ZNF268: variants seen among roughly 807,000 people sequenced by gnomAD.
ZNF268 encodes the protein zinc finger protein 3.
Under a neutral mutation model 29.3 loss-of-function variants are expected in ZNF268, and 20 were observed. The observed-to-expected ratio is 0.68, with a 90% CI of 0.48 to 0.99. The LOEUF (loss-of-function observed/expected upper bound fraction) is 0.99, where lower values mean the gene tolerates loss of function less well. Among genes scored for constraint, ZNF268 ranks in the 50% least tolerant of loss-of-function variants. The pLI is 0.00. For synonymous variants in ZNF268, 429 were observed against 376.9 expected, an observed-to-expected ratio of 1.14 and a Z score of -1.60; for missense variants, 1,240 against 1,121.6, an observed-to-expected ratio of 1.11 and a Z score of -1.51.
Position 133,203,386 on chromosome 12 carries a change from G to A in ZNF268, c.1700G>A (p.Arg567Gln), listed in dbSNP as rs377003792. The A allele has an allele frequency of 3.9e-5, 60 of 1,547,278 alleles. No individual in the cohort carries two copies. Among genetic ancestry groups the A allele is most frequent in the African/African-American group, 8.2e-5 (6 of 73,060 alleles). ...CATGAATGTGGGAAAGCCTTCAGTC[G>A]GAAATACCAGCTTATTTCACACCAG... ...ECHECGKAFSRKYQLISHQRT... is the reference protein window; with the variant it reads ...ECHECGKAFSQKYQLISHQRT... Residue 567 changes from arginine (R) to glutamine (Q), a missense_variant, in exon 6 of 6, where the codon CGG becomes CAG. Around this residue, in one of 3 missense-constraint regions of ZNF268, gnomAD observed 1,177 missense variants for 1,039.6 expected, o/e 1.13. Transcript: ENST00000536435.
chr12:133,186,711 A>G (rs1956326130), intron 2 of ZNF268, among the ~76,000 whole-genome samples: 3 of 152,166 alleles, frequency 2.0e-5, no homozygotes, highest in Non-Finnish European at 2.9e-5. Flanking sequence ...ATTAATGGTG[A>G]ATGATGAAAC....
rs79134689 is a variant in ZNF268 at position 133,196,521 on chromosome 12, A to G, written c.457+4518A>G. ...ATACAGGAACCGAGCAAAGATAAGG[A>G]TGGGTGTGTTACCAGCACCAGAAGG... On this transcript the variant is annotated intron_variant, in intron 5 of 5. Coordinates refer to ENST00000536435, the MANE Select transcript of ZNF268 (RefSeq NM_003415.3). 5.3e-3 allele frequency among the ~76,000 whole-genome samples: 814 copies of G among 152,272 alleles called. 2 individuals are homozygous for G. Among genetic ancestry groups the G allele is most frequent in the Admixed American group, 0.013 (198 of 15,294 alleles).
Position 133,202,228 on chromosome 12 carries a change from G to A in ZNF268, c.542G>A (p.Cys181Tyr), listed in dbSNP as rs1956769421. ...KLGSTAKSFE[C>Y]TTFGKLCLLS... ...GGAAGTACGGCAAAAAGCTTTGAATGCACTACATTTGGAAAACTATGTCTT... is the reference window on the plus strand; with the variant it reads ...GGAAGTACGGCAAAAAGCTTTGAATACACTACATTTGGAAAACTATGTCTT... The change falls in exon 6 of 6, where the codon TGC becomes TAC. Residue 181 changes from cysteine (C) to tyrosine (Y), a missense_variant. This residue lies in a region of ZNF268 where 1,177 missense variants were observed against 1,039.6 expected (regional missense o/e 1.13). Coordinates refer to ENST00000536435, the MANE Select transcript of ZNF268 (RefSeq NM_003415.3). 1 of 1,611,468 alleles carries A rather than the reference G, an allele frequency of 6.2e-7. No homozygotes were observed. The highest frequency in any genetic ancestry group is 8.5e-7 in the Non-Finnish European group (1 of 1,178,802).
chr12:133,204,107 A>G lies in ZNF268; in HGVS notation c.2421A>G (p.Pro807=), dbSNP rs906609285. 7.1e-6 allele frequency: 11 copies of G among 1,546,056 alleles called. No homozygotes were observed. Among genetic ancestry groups the G allele is most frequent in the Admixed American group, 2.0e-5 (1 of 51,040 alleles). The part of the protein sequence containing the change: ...IHMRTHSGEK[P]YECNECGKAF... ...TGAGAACTCATTCAGGTGAAAAACC[A>G]TATGAATGTAATGAATGTGGGAAAG... The change falls in exon 6 of 6, where the codon CCA becomes CCG. Residue 807 remains proline, a synonymous_variant. Transcript: ENST00000536435.
chr12:133,188,193 A>G (rs1390327589), intron 3 of ZNF268, 121 bp downstream of exon 3: 5 of 921,840 alleles, frequency 5.4e-6, no homozygotes, highest in African/African-American at 3.4e-5. Context: ...GTTCAGTTCA[A>G]AACCCCCCCA....
In ZNF268 at chr12:133,202,402, A is replaced by G. The variant is rs759588007; in HGVS notation, c.716A>G (p.His239Arg). 2 of 1,611,326 alleles carry G rather than the reference A, an allele frequency of 1.2e-6. No individual in the cohort carries two copies. The highest frequency in any genetic ancestry group is 1.7e-6 in the Non-Finnish European group (2 of 1,178,506). The change falls in exon 6 of 6, where the codon CAT becomes CGT. Residue 239 changes from histidine (H) to arginine (R), a missense_variant. Physicochemically the swap from His to Arg is conservative, Grantham distance 29. Around this residue, in one of 3 missense-constraint regions of ZNF268, gnomAD observed 1,177 missense variants for 1,039.6 expected, o/e 1.13. Transcript: ENST00000536435. ...VHGKSFFHSK[H>R]EQTVIGIKYC... The stretch of plus-strand genomic sequence containing the variant: ...GGAAAATCATTCTTCCATTCTAAAC[A>G]TGAGCAAACTGTTATTGGAATAAAA...
rs1430212081 is a variant in ZNF268 at position 133,202,986 on chromosome 12, C to T, written c.1300C>T (p.His434Tyr). 2.6e-6 allele frequency: 4 copies of T among 1,548,788 alleles called. No homozygotes were observed. Among genetic ancestry groups the T allele is most frequent in the Non-Finnish European group, 2.6e-6 (3 of 1,152,550 alleles). The change falls in exon 6 of 6, where the codon CAT becomes TAT. Residue 434 changes from histidine (H) to tyrosine (Y), a missense_variant. By Grantham distance (83) the His-to-Tyr change is moderately conservative. Around this residue, in one of 3 missense-constraint regions of ZNF268, gnomAD observed 1,177 missense variants for 1,039.6 expected, o/e 1.13. Transcript: ENST00000536435. ...TAATACAAAGTCAAACCTTATGGTA[C>T]ATCAGAGAACCCATACAGGGGAGAA... ...AFNTKSNLMV[H>Y]QRTHTGEKPY...
At chr12:133,181,822 G>C in intron 1 of ZNF268, 124 bp from the exon 2 acceptor site, 1 of 659,674 alleles carries the variant, frequency 1.5e-6, no homozygotes, top group South Asian at 1.8e-5. Context: ...GGTGAATCCC[G>C]TGCTGTGGGA....
rs1033873394 is a variant in ZNF268 at position 133,181,635 on chromosome 12, C to A, written c.-104C>A. 1.8e-4 allele frequency: 42 copies of A among 227,228 alleles called. No individual in the cohort carries two copies. Among genetic ancestry groups the A allele is most frequent in the African/African-American group, 9.0e-4 (40 of 44,516 alleles). 14.1% of individuals were successfully genotyped at this position (227,228 alleles called of 1,614,324 possible). A position where few individuals can be genotyped will look rare whatever the true frequency, so the allele number is the denominator to read the frequency against. ...CTGGCTGCAGATCTGGAGGTGGAGG[C>A]AGTACCCTGGACTCTATTCTGCTGC... On this transcript the variant is annotated 5_prime_UTR_variant, in exon 1 of 6. Coordinates refer to ENST00000536435, the MANE Select transcript of ZNF268 (RefSeq NM_003415.3).
At chr12:133,197,258 A>C (rs1256147791) in intron 5 of ZNF268, among the ~76,000 whole-genome samples, 10 of 140,064 alleles carry the variant, frequency 7.1e-5, no homozygotes, top group Non-Finnish European at 1.2e-4. Context: ...TCATTGTTCA[A>C]TTCCCACCTA....
rs994484579 is a variant in ZNF268, at chr12:133,209,705, A to C, written c.*5175A>C. 1 of 152,164 alleles carries C rather than the reference A, an allele frequency of 6.6e-6. No homozygotes were observed. Among genetic ancestry groups the C allele is most frequent in the Non-Finnish European group, 1.5e-5 (1 of 68,038 alleles). The allele number at this position is 152,164 out of a possible 1,614,324, so 9.4% of individuals were successfully genotyped here. A position where few individuals can be genotyped will look rare whatever the true frequency, so the allele number is the denominator to read the frequency against. On this transcript the variant is annotated 3_prime_UTR_variant, in exon 6 of 6. Coordinates refer to ENST00000536435, the MANE Select transcript of ZNF268 (RefSeq NM_003415.3). ...GCCAGCTGTGGTGGCATGCATCTAT[A>C]ATCCAAGCTACTCAGGAGAATTGCT...
Position 133,181,647 on chromosome 12 carries a change from C to T in ZNF268, c.-92C>T. The T allele has an allele frequency of 3.5e-6, 1 of 282,546 alleles. No homozygotes were observed. Among genetic ancestry groups the T allele is most frequent in the East Asian group, 6.7e-5 (1 of 14,840 alleles). The allele number at this position is 282,546 out of a possible 1,614,324, so 17.5% of individuals were successfully genotyped here. A position where few individuals can be genotyped will look rare whatever the true frequency, so the allele number is the denominator to read the frequency against. On this transcript the variant is annotated 5_prime_UTR_variant, in exon 1 of 6. Coordinates refer to ENST00000536435, the MANE Select transcript of ZNF268 (RefSeq NM_003415.3). ...CTGGAGGTGGAGGCAGTACCCTGGACTCTATTCTGCTGCCCCTTCAGGGTT... is the reference window on the plus strand; with the variant it reads ...CTGGAGGTGGAGGCAGTACCCTGGATTCTATTCTGCTGCCCCTTCAGGGTT...
rs747885308 is a variant in ZNF268 at position 133,182,016 on chromosome 12, A to G, written c.19A>G (p.Thr7Ala). 1.9e-6 allele frequency: 3 copies of G among 1,565,676 alleles called. No individual in the cohort carries two copies. Among genetic ancestry groups the G allele is most frequent in the Non-Finnish European group, 2.6e-6 (3 of 1,154,914 alleles). Residue 7 changes from threonine to alanine, a missense_variant, in exon 2 of 6, where the codon ACA (threonine) becomes GCA (alanine). By Grantham distance (58) the Thr-to-Ala change is moderately conservative. Coordinates refer to ENST00000536435, the MANE Select transcript of ZNF268 (RefSeq NM_003415.3). MATRVR[T>A]ASIWVPPLQE... ...CGTAGGGATGGCCACCAGGGTCCGG[A>G]CAGCTTCTATTTGGGTGAGTAGGGG...
Position 133,202,714 on chromosome 12 carries a change from T to A in ZNF268, c.1028T>A (p.Phe343Tyr), listed in dbSNP as rs1442895354. 2 of 1,611,672 alleles carry A rather than the reference T, an allele frequency of 1.2e-6. No individual in the cohort carries two copies. Among genetic ancestry groups the A allele is most frequent in the South Asian group, 1.1e-5 (1 of 90,838 alleles). The change falls in exon 6 of 6, where the codon TTC (phenylalanine) becomes TAC (tyrosine). Residue 343 changes from phenylalanine to tyrosine, a missense_variant. Phe to Tyr is a conservative substitution (Grantham distance 22). Coordinates refer to ENST00000536435, the MANE Select transcript of ZNF268 (RefSeq NM_003415.3). Reference sequence around the variant, plus strand: ...AGTGAATGCAGGAAAACATTCAGTTTCCATTCACAGCTTGTTATACATCAG... The same window carrying A: ...AGTGAATGCAGGAAAACATTCAGTTACCATTCACAGCTTGTTATACATCAG... ...ECSECRKTFS[F>Y]HSQLVIHQRI...
rs1300673094 is a variant in ZNF268 at position 133,210,692 on chromosome 12, G to C, written c.*6162G>C. On this transcript the variant is annotated 3_prime_UTR_variant, in exon 6 of 6. Transcript: ENST00000536435. Reference sequence around the variant, plus strand: ...GAAGCAAGGTCTGTTTGTCACTGTGGATTCCCCCCTGCCAAGGGTCCCCAG... The same window carrying C: ...GAAGCAAGGTCTGTTTGTCACTGTGCATTCCCCCCTGCCAAGGGTCCCCAG... 1 of 379,478 alleles carries C rather than the reference G, an allele frequency of 2.6e-6. No individual in the cohort carries two copies. The highest frequency in any genetic ancestry group is 2.1e-5 in the African/African-American group (1 of 47,482). The allele number at this position is 379,478 out of a possible 1,614,324, so 23.5% of individuals were successfully genotyped here. A position where few individuals can be genotyped will look rare whatever the true frequency, so the allele number is the denominator to read the frequency against.
chr12:133,193,984 T>G (rs1956538108), intron 5 of ZNF268, among the ~76,000 whole-genome samples: 1 of 152,192 alleles, frequency 6.6e-6, no homozygotes, highest in Non-Finnish European at 1.5e-5. Flanking sequence ...TTCCTTTCTG[T>G]GCAGGGCTCC....
chr12:133,191,641 G>T, intron 4 of ZNF268, 26 bp downstream of exon 4: 2 of 1,611,208 alleles, frequency 1.2e-6, no homozygotes, highest in African/African-American at 1.3e-5. Flanking sequence ...CTGAGGAGGA[G>T]TGTGCTCGAT....
chr12:133,192,028 C>G (rs752151513), intron 5 of ZNF268, 25 bp downstream of exon 5: 3 of 1,570,892 alleles, frequency 1.9e-6, no homozygotes, highest in South Asian at 1.1e-5. Flanking sequence ...CAAATCTTTT[C>G]TTCTTTATTT....
rs1957024061 is a variant in ZNF268, at chr12:133,214,142, T to C, written c.*9612T>C. 1 of 152,134 alleles carries C rather than the reference T, an allele frequency of 6.6e-6. No individual in the cohort carries two copies. The highest frequency in any genetic ancestry group is 1.5e-5 in the Non-Finnish European group (1 of 68,040). 9.4% of individuals were successfully genotyped at this position (152,134 alleles called of 1,614,324 possible). On this transcript the variant is annotated 3_prime_UTR_variant, in exon 6 of 6. Transcript: ENST00000536435. ...GGCAGAGGACTTGAAGAGACTTTTC[T>C]GTAAAGAAGATATGCAAATAGCATA...
Sources: allele counts gnomAD v4.1 joint callset (sites outside exome capture counted in the v4.1 genomes callset), GRCh38; gene constraint gnomAD v4.1.1; regional missense constraint gnomAD v4.1.1; transcripts MANE v1.5; gene names NCBI Gene and HGNC (gene_info 2026-07-23, HGNC 2026-07-21).